Variants in DNAJC5B observed in about 807,000 individuals in gnomAD.
The protein encoded by DNAJC5B is DnaJ heat shock protein family (Hsp40) member C5 beta.
A neutral mutation model predicts 24.7 loss-of-function variants in DNAJC5B; 23 were observed. The ratio of observed to expected loss-of-function variants is 0.93; its 90% CI spans 0.67 to 1.32. The LOEUF (loss-of-function observed/expected upper bound fraction) is 1.32, where lower values mean the gene tolerates loss of function less well. Among genes scored for constraint, DNAJC5B ranks in the 40% most tolerant of loss-of-function variants. The pLI, the probability that DNAJC5B is intolerant of heterozygous loss-of-function variation, is 0.00. For synonymous variants in DNAJC5B, 101 were observed against 90.1 expected, an observed-to-expected ratio of 1.12 and a Z score of -0.68; for missense variants, 238 against 240.8, an observed-to-expected ratio of 0.99 and a Z score of 0.08.
At chr8:66,044,524 G>A (rs1308804651) in intron 2 of DNAJC5B, among the ~76,000 whole-genome samples, 3 of 151,836 alleles carry the variant, frequency 2.0e-5, no homozygotes, top group African/African-American at 7.3e-5. Context: ...AACCACACCC[G>A]TAGGACCCCT....
chr8:66,043,775 A>ATCTTCAGG (rs1490063129), intron 2 of DNAJC5B, among the ~76,000 whole-genome samples, 164 bp downstream of exon 2: 1 of 150,790 alleles, frequency 6.6e-6, no homozygotes, highest in Non-Finnish European at 1.5e-5. Context: ...GACTTGCCCC[A>ATCTTCAGG]TCTTCAGGTT....
intron 1 of DNAJC5B, among the ~76,000 whole-genome samples, chr8:66,023,753 T>G (rs1295887074): frequency 6.6e-6 from 1 of 152,206 alleles, no homozygotes; most frequent in African/African-American, 2.4e-5. Context: ...TATATGAGCC[T>G]TCTGTGACTT....
chr8:66,051,489 AAGT>A, intron 2 of DNAJC5B, 39 bp from the exon 3 acceptor site: 1 of 1,144,788 alleles, frequency 8.7e-7, no homozygotes, highest in Non-Finnish European at 1.3e-6. Context: ...AGAGAGTGGG[AAGT>A]AGTGTGCATA....
At chr8:66,095,658 GACACACACACACACAC>G (rs10566337) in intron 5 of DNAJC5B, among the ~76,000 whole-genome samples, 3 of 146,638 alleles carry the variant, frequency 2.0e-5, no homozygotes, top group Non-Finnish European at 4.5e-5. Context: ...ACTTTAGCTT[GACACACACACACACAC>G]ACACACACAC....
chr8:66,076,714 T>A lies in DNAJC5B; in HGVS notation c.174T>A (p.Thr58=). The A allele has an allele frequency of 6.2e-7, 1 of 1,614,154 alleles. No individual in the cohort carries two copies. The highest frequency in any genetic ancestry group is 8.5e-7 in the Non-Finnish European group (1 of 1,180,010). The change falls in exon 4 of 6, where the codon ACT becomes ACA. Residue 58 remains threonine, a synonymous_variant. Transcript: ENST00000276570. ...AGAATCCAGATGATCCAGCTGCTAC[T>A]GAGAAGTTTAAAGAAATCAACAACG... ...PDKNPDDPAA[T]EKFKEINNAH...
chr8:66,022,447 G>C (rs1806154139), intron 1 of DNAJC5B, among the ~76,000 whole-genome samples: 1 of 152,292 alleles, frequency 6.6e-6, no homozygotes, highest in South Asian at 2.1e-4. Flanking sequence ...TGCGACCCCG[G>C]AGTTGGAGCA....
intron 1 of DNAJC5B, among the ~76,000 whole-genome samples, chr8:66,024,102 GT>G (rs1371887380): frequency 2.0e-5 from 3 of 152,146 alleles, no homozygotes; most frequent in Non-Finnish European, 4.4e-5. Context: ...CCATTAGATT[GT>G]TTTTTAGCCA....
intron 3 of DNAJC5B, among the ~76,000 whole-genome samples, chr8:66,058,736 C>T (rs1807019058): frequency 6.6e-6 from 1 of 152,206 alleles, no homozygotes; most frequent in Non-Finnish European, 1.5e-5. Context: ...TTTCCTCTTT[C>T]ATCTGAAATT....
chr8:66,100,088 T>C lies in DNAJC5B; in HGVS notation c.*57T>C, dbSNP rs1808042921. On this transcript the variant is annotated 3_prime_UTR_variant, in exon 6 of 6. Transcript: ENST00000276570. ...CTCTCAGTTCAGTCTTGTCTCCAGA[T>C]GGTCGTAGGGGAGCGTGTGGGGCAT... The C allele has an allele frequency of 6.0e-6, 9 of 1,505,328 alleles. No homozygotes were observed. Among genetic ancestry groups the C allele is most frequent in the African/African-American group, 2.8e-5 (2 of 72,432 alleles). The allele number at this position is 1,505,328 out of a possible 1,614,324, so 93.2% of individuals were successfully genotyped here.
chr8:66,066,942 T>G (rs1807229064), intron 3 of DNAJC5B, among the ~76,000 whole-genome samples: 1 of 152,208 alleles, frequency 6.6e-6, no homozygotes, highest in African/African-American at 2.4e-5. Flanking sequence ...TTTGAGCTAC[T>G]GGGTTTCAGC....
chr8:66,017,540 T>C (rs1479853391), upstream of DNAJC5B, among the ~76,000 whole-genome samples: 2 of 152,246 alleles, frequency 1.3e-5, no homozygotes, highest in African/African-American at 4.8e-5. Context: ...AATTTAGATG[T>C]ACTTTTTCAG....
intron 2 of DNAJC5B, among the ~76,000 whole-genome samples, chr8:66,048,928 T>C (rs937987815): frequency 6.6e-6 from 1 of 152,200 alleles, no homozygotes; most frequent in Non-Finnish European, 1.5e-5. Context: ...GCGAGGCCTC[T>C]AATGGCATGG....
At chr8:66,051,710 A>G (rs778797396) in intron 3 of DNAJC5B, 44 bp downstream of exon 3, 68 of 1,436,470 alleles carry the variant, frequency 4.7e-5, no homozygotes, top group Non-Finnish European at 6.2e-5. Flanking sequence ...CTAGTGAGTT[A>G]TTTTGTGACT....
At chr8:66,024,280 T>G (rs987364031) in intron 1 of DNAJC5B, among the ~76,000 whole-genome samples, 17 of 152,216 alleles carry the variant, frequency 1.1e-4, no homozygotes, top group Admixed American at 4.6e-4. Flanking sequence ...AACTTTCAGC[T>G]TCCTTATTAA....
chr8:66,093,083 A>AT (rs1349173762), intron 5 of DNAJC5B, among the ~76,000 whole-genome samples: 1 of 151,892 alleles, frequency 6.6e-6, no homozygotes, highest in African/African-American at 2.4e-5. Context: ...TCATTCATGT[A>AT]TTTTCACTGT....
At chr8:66,065,718 T>C (rs1001358826) in intron 3 of DNAJC5B, among the ~76,000 whole-genome samples, 8 of 152,200 alleles carry the variant, frequency 5.3e-5, no homozygotes, top group Admixed American at 1.3e-4. Flanking sequence ...ATAAGCTTTG[T>C]TGGTGCTTGG....
upstream of DNAJC5B, among the ~76,000 whole-genome samples, chr8:66,019,596 TA>T (rs1209410721): frequency 1.3e-5 from 2 of 152,174 alleles, no homozygotes; most frequent in African/African-American, 4.8e-5. Context: ...ATGTTAATAA[TA>T]AAAAATACCT....
At chr8:66,033,138 T>A (rs554237876) in intron 1 of DNAJC5B, among the ~76,000 whole-genome samples, 2 of 152,138 alleles carry the variant, frequency 1.3e-5, no homozygotes, top group African/African-American at 4.8e-5. Context: ...TCTTATGGGG[T>A]GGGATGGGCA....
Position 66,076,981 on chromosome 8 carries a change from G to T in DNAJC5B, c.333+108G>T. On this transcript the variant is annotated intron_variant, in intron 4 of 5. Coordinates refer to ENST00000276570, the MANE Select transcript of DNAJC5B (RefSeq NM_033105.6). Reference sequence around the variant, plus strand: ...CTAACCTTCCTGCTATTAAACTCTGGTAAATAAAAGGAGATATTGCTTCCA... The same window carrying T: ...CTAACCTTCCTGCTATTAAACTCTGTTAAATAAAAGGAGATATTGCTTCCA... The T allele has an allele frequency of 6.1e-6, 7 of 1,139,924 alleles. No homozygotes were observed. In the South Asian group the frequency reaches 1.0e-4, roughly 17 times the overall value. The allele number at this position is 1,139,924 out of a possible 1,614,324, so 70.6% of individuals were successfully genotyped here.
Sources: gnomAD v4.1 joint callset for allele counts (sites outside exome capture counted in the v4.1 genomes callset) on GRCh38, gnomAD v4.1.1 for gene constraint, MANE v1.5 for transcripts, NCBI Gene and HGNC (gene_info 2026-07-23, HGNC 2026-07-21) for gene names.